AXIN2: variants seen among roughly 807,000 people sequenced by gnomAD.
AXIN2 encodes the protein axin-2.
A neutral mutation model predicts 74.7 loss-of-function variants in AXIN2; 21 were observed. The observed-to-expected ratio is 0.28, with a 90% CI of 0.20 to 0.40. The LOEUF (loss-of-function observed/expected upper bound fraction) is 0.40, where lower values mean the gene tolerates loss of function less well. Among genes scored for constraint, AXIN2 ranks in the 10% least tolerant of loss-of-function variants. The probability of loss-of-function intolerance (pLI) is 1.00; values close to 1 mark genes in which losing one functional copy is unlikely to be tolerated. For missense variants in AXIN2, 1,144 were observed against 1,111.1 expected, an observed-to-expected ratio of 1.03 and a Z score of -0.42; for synonymous variants, 532 against 454.9, an observed-to-expected ratio of 1.17 and a Z score of -2.16.
chr17:65,547,629 G>C (rs1204711088), intron 3 of AXIN2, among the ~76,000 whole-genome samples: 2 of 152,194 alleles, frequency 1.3e-5, no homozygotes, highest in African/African-American at 2.4e-5. Flanking sequence ...TAGTCTCTAA[G>C]AAAACTAAAC....
Position 65,528,575 on chromosome 17 carries a change from T to A in AXIN2, c.*1401A>T. On this transcript the variant is annotated 3_prime_UTR_variant, in exon 11 of 11. Transcript: ENST00000307078. ...GACGAGGCCAGTGTTTTGAAAAATA[T>A]AAAATTTTAATAAAGGCTACATCTC... The A allele has an allele frequency of 2.1e-6, 1 of 466,550 alleles. No individual in the cohort carries two copies. Among genetic ancestry groups the A allele is most frequent in the Non-Finnish European group, 4.0e-6 (1 of 249,220 alleles). The allele number at this position is 466,550 out of a possible 1,614,324, so 28.9% of individuals were successfully genotyped here.
At chr17:65,544,314 A>G (rs778993335) in intron 3 of AXIN2, among the ~76,000 whole-genome samples, 11 of 151,804 alleles carry the variant, frequency 7.2e-5, no homozygotes, top group African/African-American at 1.5e-4. Context: ...AGGGGAGTAG[A>G]TAACTGCAAT....
intron 3 of AXIN2, 120 bp downstream of exon 3, chr17:65,549,400 G>A (rs570025872): frequency 9.6e-6 from 12 of 1,246,388 alleles, no homozygotes; most frequent in Non-Finnish European, 1.3e-5. Flanking sequence ...CCAAACTGAT[G>A]TCCATACATG....
chr17:65,545,400 T>A (rs540287937), intron 3 of AXIN2, among the ~76,000 whole-genome samples: 37 of 152,238 alleles, frequency 2.4e-4, no homozygotes, highest in East Asian at 7.7e-4. Context: ...GTTAAAAAAA[T>A]TTTTTTTGGC....
intron 3 of AXIN2, among the ~76,000 whole-genome samples, chr17:65,543,933 G>A (rs999861679): frequency 3.5e-4 from 53 of 152,158 alleles, no homozygotes; most frequent in African/African-American, 1.3e-3. Flanking sequence ...TAGGGGTGGC[G>A]GTATCCCACA....
At position 65,536,434 on chromosome 17, in the gene AXIN2, G is replaced by A. The variant is rs1030272364; in HGVS notation, c.2027C>T (p.Ala676Val). Residue 676 changes from alanine (A) to valine (V), a missense_variant, in exon 8 of 11, where the codon GCC (alanine) becomes GTC (valine). Ala to Val is a moderately conservative substitution (Grantham distance 64). Coordinates refer to ENST00000307078, the MANE Select transcript of AXIN2 (RefSeq NM_004655.4). ...CGCAGGGTCCTGGGTGAACAGGTGG[G>A]CACGGGGGGTGGTGCGGGGGTGCCC... ...NSGHPRTTPR[A>V]HLFTQDPAMP... 6.2e-7 allele frequency: 1 copy of A among 1,613,456 alleles called. No individual in the cohort carries two copies. The highest frequency in any genetic ancestry group is 2.2e-5 in the East Asian group (1 of 44,882).
At chr17:65,538,543 C>T (rs902363610) in intron 4 of AXIN2, among the ~76,000 whole-genome samples, 200 bp from the exon 5 acceptor site, 1 of 151,814 alleles carries the variant, frequency 6.6e-6, no homozygotes, top group African/African-American at 2.4e-5. Context: ...TCCCCACCAG[C>T]GTTTGCCTTG....
At chr17:65,550,577 G>A (rs552692394) in intron 2 of AXIN2, among the ~76,000 whole-genome samples, 3 of 152,260 alleles carry the variant, frequency 2.0e-5, no homozygotes, top group South Asian at 2.1e-4. Flanking sequence ...GCCTGAAGTC[G>A]CAGGAGGCCT....
At chr17:65,542,569 CT>C (rs1274312943) in intron 3 of AXIN2, among the ~76,000 whole-genome samples, 1 of 152,134 alleles carries the variant, frequency 6.6e-6, no homozygotes, top group Non-Finnish European at 1.5e-5. Context: ...GTATGGGCCC[CT>C]ATCCATTATA....
Position 65,529,691 on chromosome 17 carries a change from G to A in AXIN2, c.*285C>T. 4.1e-6 allele frequency: 2 copies of A among 484,062 alleles called. No homozygotes were observed. Among genetic ancestry groups the A allele is most frequent in the Non-Finnish European group, 7.6e-6 (2 of 263,746 alleles). The allele number at this position is 484,062 out of a possible 1,614,324, so 30.0% of individuals were successfully genotyped here. On this transcript the variant is annotated 3_prime_UTR_variant, in exon 11 of 11. Transcript: ENST00000307078. The stretch of plus-strand genomic sequence containing the variant: ...AGATCCCTAGGAAGTCATATATTAT[G>A]TATGGCAGTCTCTCAAATACAGGCA...
chr17:65,536,290 C>G (rs914391091), intron 8 of AXIN2, 30 bp downstream of exon 8: 7 of 1,578,038 alleles, frequency 4.4e-6, no homozygotes, highest in Middle Eastern at 2.1e-4. Flanking sequence ...CAATCCCTGC[C>G]TCAACCTAGG....
rs73348115 is a variant in AXIN2 at position 65,557,573 on chromosome 17, T to C, written c.815+233A>G. ...ATAATAAGTAACCCACATTAGTGAA[T>C]ACTGCTTGCCACTGTTTGAAGTCAG... is the stretch of plus-strand genomic sequence containing the variant. On this transcript the variant is annotated intron_variant, in intron 2 of 10. Transcript: ENST00000307078. 9.6e-3 allele frequency among the ~76,000 whole-genome samples: 1,456 copies of C among 152,326 alleles called. 24 individuals carry two copies. Among genetic ancestry groups the C allele is most frequent in the African/African-American group, 0.033 (1,365 of 41,568 alleles).
rs746350974 is a variant in AXIN2, at chr17:65,535,659, G to A, written c.2204C>T (p.Thr735Ile). Residue 735 changes from threonine to isoleucine, a missense_variant, in exon 9 of 11, where the codon ACA becomes ATA. Coordinates refer to ENST00000307078, the MANE Select transcript of AXIN2 (RefSeq NM_004655.4). ...NHSATVQTGA[T>I]PFSNPSLAPE... ...AGCCAGGCTTGGATTGGAGAAGGGT[G>A]TGGCTCCCGTCTGAACAGTGGCCGA... 4 of 1,614,104 alleles carry A rather than the reference G, an allele frequency of 2.5e-6. No individual in the cohort carries two copies. Among genetic ancestry groups the A allele is most frequent in the African/African-American group, 1.3e-5 (1 of 74,936 alleles).
rs753361517 is a variant in AXIN2, at chr17:65,538,073, C to CGCAGCCCACGCGCATGCGCAT, written c.1200+109_1200+129dup. ...GCCCACGCCCAGGCACACACCCACA[C>CGCAGCCCACGCGCATGCGCAT]GCAGCCCACGCGCATGCGCATGCAA... On this transcript the variant is annotated intron_variant, in intron 5 of 10. Coordinates refer to ENST00000307078, the MANE Select transcript of AXIN2 (RefSeq NM_004655.4). The CGCAGCCCACGCGCATGCGCAT allele has an allele frequency of 3.7e-3, 5,692 of 1,518,004 alleles. 32 individuals are homozygous for CGCAGCCCACGCGCATGCGCAT. The highest frequency in any genetic ancestry group is 3.2e-3 in the Non-Finnish European group (3,637 of 1,122,504). 94.0% of individuals were successfully genotyped at this position (1,518,004 alleles called of 1,614,324 possible).
At chr17:65,533,235 G>A (rs2043853634) in intron 10 of AXIN2, among the ~76,000 whole-genome samples, 1 of 152,188 alleles carries the variant, frequency 6.6e-6, no homozygotes, top group South Asian at 2.1e-4. Context: ...CCCTGCAGGG[G>A]AGAAGGCAGC....
At chr17:65,530,300 G>A (rs1045227253) in intron 10 of AXIN2, among the ~76,000 whole-genome samples, 198 bp from the exon 11 acceptor site, 4 of 152,314 alleles carry the variant, frequency 2.6e-5, no homozygotes, top group Non-Finnish European at 5.9e-5. Flanking sequence ...CCGAGATGAT[G>A]AAGGCCAGGC....
At chr17:65,551,688 A>T (rs1189560801) in intron 2 of AXIN2, among the ~76,000 whole-genome samples, 1 of 152,192 alleles carries the variant, frequency 6.6e-6, no homozygotes. Context: ...CGCTTGTTGG[A>T]GTCACCAAAC....
intron 2 of AXIN2, 98 bp downstream of exon 2, chr17:65,557,708 C>T: frequency 1.6e-6 from 2 of 1,268,384 alleles, no homozygotes; most frequent in South Asian, 1.3e-5. Context: ...CTCAACAGAC[C>T]TGTCAGTCTC....
rs1048751630 is a variant in AXIN2 at position 65,537,563 on chromosome 17, G to A, written c.1473C>T (p.Ala491=). The part of the protein sequence containing the change: ...LPPGGKLPPA[A]ASPGACPLLG... The stretch of plus-strand genomic sequence containing the variant: ...GGAGGGGGCAGGCGCCCGGCGAGGC[G>A]GCCGCGGGAGGCAGCTTGCCACCGG... Residue 491 remains alanine (A), a synonymous_variant, in exon 6 of 11, where the codon GCC becomes GCT. Transcript: ENST00000307078. The A allele has an allele frequency of 6.8e-6, 11 of 1,610,778 alleles. No homozygotes were observed. The highest frequency in any genetic ancestry group is 1.1e-5 in the South Asian group (1 of 90,990).
Sources: gnomAD v4.1 joint callset for allele counts (sites outside exome capture counted in the v4.1 genomes callset) on GRCh38, gnomAD v4.1.1 for gene constraint, MANE v1.5 for transcripts, NCBI Gene and HGNC (gene_info 2026-07-23, HGNC 2026-07-21) for gene names.